CLIP1: variants seen among roughly 807,000 people sequenced by gnomAD.
The protein encoded by CLIP1 is CAP-Gly domain containing linker protein 1.
Under a neutral mutation model 161.6 loss-of-function variants are expected in CLIP1, and 66 were observed. The ratio of observed to expected loss-of-function variants is 0.41; its 90% CI spans 0.33 to 0.50. The LOEUF is 0.50. Ranked by LOEUF, CLIP1 falls within the 20% of genes least tolerant of loss-of-function variation. CLIP1 has a pLI of 0.27. For missense variants in CLIP1, 1,376 were observed against 1,702.0 expected (o/e 0.81, Z 3.37); for synonymous variants, 598 against 626.2 (o/e 0.96, Z 0.67).
rs562064434 is a variant in CLIP1 at position 122,375,936 on chromosome 12, C to T, written c.657+1453G>A. On this transcript the variant is annotated intron_variant, in intron 3 of 25. Coordinates refer to ENST00000620786, the MANE Select transcript of CLIP1 (RefSeq NM_001247997.2). Reference sequence around the variant, plus strand: ...GACTACAGGCGTGAGACCCCATGTCCGGCTTATTTTAATTTTGTTTTATAT... The same window carrying T: ...GACTACAGGCGTGAGACCCCATGTCTGGCTTATTTTAATTTTGTTTTATAT... Among the ~76,000 whole-genome samples, 302 of 151,636 alleles carry T rather than the reference C, an allele frequency of 2.0e-3. 3 individuals are homozygous for T. Among genetic ancestry groups the T allele is most frequent in the Non-Finnish European group, 7.4e-4 (50 of 67,900 alleles).
At chr12:122,347,244 C>T (rs1952794130) in intron 10 of CLIP1, 131 bp downstream of exon 10, 2 of 600,036 alleles carry the variant, frequency 3.3e-6, no homozygotes, top group Non-Finnish European at 6.1e-6. Context: ...TCACAAACAC[C>T]TGAATGGTAC....
chr12:122,293,026 A>C (rs1335913668), intron 20 of CLIP1, among the ~76,000 whole-genome samples: 1 of 151,036 alleles, frequency 6.6e-6, no homozygotes, highest in African/African-American at 2.4e-5. Flanking sequence ...AAAAAAAGGC[A>C]AAGAAAGTAT....
chr12:122,279,075 C>A lies in CLIP1; in HGVS notation c.3718G>T (p.Ala1240Ser). 6.2e-7 allele frequency: 1 copy of A among 1,613,646 alleles called. No individual in the cohort carries two copies. The highest frequency in any genetic ancestry group is 8.5e-7 in the Non-Finnish European group (1 of 1,179,896). Residue 1240 changes from alanine (A) to serine (S), a missense_variant, in exon 22 of 26, where the codon GCC becomes TCC. This residue lies in a region of CLIP1 where 948 missense variants were observed against 1,134.8 expected (regional missense o/e 0.84). Transcript: ENST00000620786. This position sits in a 1 kb window ranked among gnomAD's most constrained non-coding sequence, Gnocchi z 4.5. ...SLQKSISITSALLTEKDAELE... is the reference protein window; with the variant it reads ...SLQKSISITSSLLTEKDAELE... ...TCGGCATCCTTTTCTGTGAGTAAGG[C>A]ACTAGTTATACTGATGGATTTCTGC...
intron 3 of CLIP1, among the ~76,000 whole-genome samples, chr12:122,375,496 TA>T (rs1233870035): frequency 6.6e-6 from 1 of 152,128 alleles, no homozygotes. Context: ...TTTGTATTTT[TA>T]GTAGAGACGG....
intron 8 of CLIP1, among the ~76,000 whole-genome samples, chr12:122,351,965 A>T (rs1953054724): frequency 6.6e-6 from 1 of 152,126 alleles, no homozygotes; most frequent in Non-Finnish European, 1.5e-5. Flanking sequence ...AAAATTAACA[A>T]TTACAACATA....
Position 122,341,556 on chromosome 12 carries a change from G to A in CLIP1, c.1648C>T (p.Gln550Ter). 1 of 1,613,922 alleles carries A rather than the reference G, an allele frequency of 6.2e-7. No homozygotes were observed. The highest frequency in any genetic ancestry group is 8.5e-7 in the Non-Finnish European group (1 of 1,179,984). The change falls in exon 11 of 26, where the codon CAA becomes TAA. Residue 550 changes from glutamine (Q) to a stop codon, truncating the protein, a stop_gained. Coordinates refer to ENST00000620786, the MANE Select transcript of CLIP1 (RefSeq NM_001247997.2). LOFTEE classifies it high-confidence loss of function. ...TTTTCTTGCAAAGAGCTTATCTCTT[G>A]CAAAAGGGAAAGTGACATGTCCACA... ...GDVDMSLSLL[Q>*]EISSLQEKLE...
At chr12:122,422,050 C>T (rs1956963906) in intron 1 of CLIP1, among the ~76,000 whole-genome samples, 1 of 152,178 alleles carries the variant, frequency 6.6e-6, no homozygotes, top group Admixed American at 6.5e-5. Context: ...ATCGCGGGCG[C>T]CGGGCACCCG....
At chr12:122,316,055 A>T (rs927544498) in intron 19 of CLIP1, among the ~76,000 whole-genome samples, 4 of 151,920 alleles carry the variant, frequency 2.6e-5, no homozygotes, top group African/African-American at 9.7e-5. Context: ...GACATTTCCA[A>T]ATGTTAAGAT....
intron 9 of CLIP1, among the ~76,000 whole-genome samples, chr12:122,349,608 G>A (rs1436203279): frequency 6.6e-6 from 1 of 152,226 alleles, no homozygotes; most frequent in Non-Finnish European, 1.5e-5. Flanking sequence ...CAGTAAAAAT[G>A]TGACACTGAA....
chr12:122,309,183 G>A (rs375838670), intron 20 of CLIP1, among the ~76,000 whole-genome samples: 2 of 152,146 alleles, frequency 1.3e-5, no homozygotes, highest in Non-Finnish European at 2.9e-5. Context: ...AAATATAGAA[G>A]TAAATAGGTT....
chr12:122,347,328 C>T, intron 10 of CLIP1, 47 bp downstream of exon 10: 6 of 1,374,002 alleles, frequency 4.4e-6, no homozygotes, highest in South Asian at 1.2e-5. Flanking sequence ...GAGGTGTCCA[C>T]CCTTCACATG....
chr12:122,293,640 G>A (rs1045381143), intron 20 of CLIP1, among the ~76,000 whole-genome samples: 16 of 150,142 alleles, frequency 1.1e-4, no homozygotes, highest in African/African-American at 3.9e-4. Flanking sequence ...CACCACGCTC[G>A]GCTAATTTTC....
intron 1 of CLIP1, among the ~76,000 whole-genome samples, chr12:122,387,573 TATATATATATATATATA>T (rs1233619637): frequency 2.6e-3 from 10 of 3,908 alleles, no homozygotes; most frequent in African/African-American, 4.2e-3. Context: ...TATATATATA[TATATATATATATATATA>T]TTTTTTTTTT....
intron 12 of CLIP1, among the ~76,000 whole-genome samples, chr12:122,335,373 C>T (rs1952168613): frequency 6.6e-6 from 1 of 151,902 alleles, no homozygotes; most frequent in Admixed American, 6.6e-5. Context: ...CCTGTGCCAT[C>T]CCACAGCCAG....
At chr12:122,348,148 C>T (rs1952837729) in intron 9 of CLIP1, among the ~76,000 whole-genome samples, 1 of 152,120 alleles carries the variant, frequency 6.6e-6, no homozygotes, top group Non-Finnish European at 1.5e-5. Context: ...AGTTAAGAGT[C>T]TTAGCAACAT....
At chr12:122,339,313 G>A (rs1346578873) in intron 11 of CLIP1, among the ~76,000 whole-genome samples, 1 of 150,708 alleles carries the variant, frequency 6.6e-6, no homozygotes, top group Non-Finnish European at 1.5e-5. Flanking sequence ...TAATTTTGCT[G>A]TGAATGTTAT....
rs767516259 is a variant in CLIP1, at chr12:122,334,716, A to T, written c.2569-11T>A. On this transcript the variant is annotated splice_polypyrimidine_tract_variant and intron_variant, in intron 12 of 25. Coordinates refer to ENST00000620786, the MANE Select transcript of CLIP1 (RefSeq NM_001247997.2). ...AGCAAACTTTTCTTTCTAAAGAAAA[A>T]GAATGAGAGATTCTGAACAGAAAGA... is the stretch of plus-strand genomic sequence containing the variant. The T allele has an allele frequency of 6.6e-7, 1 of 1,523,476 alleles. No individual in the cohort carries two copies. Among genetic ancestry groups the T allele is most frequent in the Non-Finnish European group, 9.0e-7 (1 of 1,114,620 alleles). The allele number at this position is 1,523,476 out of a possible 1,614,324, so 94.4% of individuals were successfully genotyped here. A position where few individuals can be genotyped will look rare whatever the true frequency, so the allele number is the denominator to read the frequency against.
intron 24 of CLIP1, chr12:122,277,105 G>C (rs1955458895): frequency 6.5e-6 from 1 of 154,170 alleles, no homozygotes; most frequent in Admixed American, 6.5e-5. Flanking sequence ...GACTATGGGA[G>C]CATGGCGCCA....
intron 4 of CLIP1, among the ~76,000 whole-genome samples, chr12:122,362,143 A>G (rs1405740803): frequency 2.0e-5 from 3 of 151,352 alleles, no homozygotes; most frequent in East Asian, 4.0e-4. Flanking sequence ...TAGTAGAGAC[A>G]GGGTTTCAAT....
Sources: gnomAD v4.1 joint callset for allele counts (sites outside exome capture counted in the v4.1 genomes callset) on GRCh38, gnomAD v4.1.1 for gene constraint, gnomAD v4.1.1 regional missense constraint, Gnocchi (gnomAD v3.1) non-coding constraint, MANE v1.5 for transcripts, NCBI Gene and HGNC (gene_info 2026-07-23, HGNC 2026-07-21) for gene names.